Variants in HDHD2 observed in about 807,000 individuals in gnomAD.
HDHD2 encodes the protein haloacid dehalogenase-like hydrolase domain-containing protein 2.
Under a neutral mutation model 24.8 loss-of-function variants are expected in HDHD2, and 26 were observed. The ratio of observed to expected loss-of-function variants is 1.05; its 90% CI spans 0.77 to 1.45. HDHD2 has a LOEUF of 1.45. Among genes scored for constraint, HDHD2 ranks in the 40% most tolerant of loss-of-function variants. The pLI is 0.00. For synonymous variants in HDHD2, 128 were observed against 114.9 expected, an observed-to-expected ratio of 1.11 and a Z score of -0.73; for missense variants, 299 against 313.4, an observed-to-expected ratio of 0.95 and a Z score of 0.35.
At chr18:47,143,760 C>G (rs2063840869) in intron 1 of HDHD2, among the ~76,000 whole-genome samples, 1 of 152,142 alleles carries the variant, frequency 6.6e-6, no homozygotes, top group Non-Finnish European at 1.5e-5. Context: ...AGGCTTTATT[C>G]TGACACTTTC....
rs541317387 is a variant in HDHD2, at chr18:47,136,663, A to C, written c.-10-214T>G. The stretch of plus-strand genomic sequence containing the variant: ...TTAGGTTTTTTTTTAAAAAAAAAAA[A>C]CACTTGAATTAAAACTATAGGAAGC... On this transcript the variant is annotated intron_variant, in intron 1 of 6. Transcript: ENST00000300605. 2.6e-4 allele frequency among the ~76,000 whole-genome samples: 40 copies of C among 152,148 alleles called. 1 individual carries two copies. The South Asian group carries it at 7.9e-3, about 30-fold the overall frequency.
At chr18:47,124,706 CAAAAAAAAAAA>C (rs34350751) in intron 4 of HDHD2, among the ~76,000 whole-genome samples, 5 of 43,370 alleles carry the variant, frequency 1.2e-4, no homozygotes, top group Non-Finnish European at 1.6e-4. Context: ...AACTCTGACT[CAAAAAAAAAAA>C]AAAAAAAAAA....
chr18:47,134,432 T>C, intron 3 of HDHD2, 64 bp downstream of exon 3: 1 of 1,146,640 alleles, frequency 8.7e-7, no homozygotes, highest in East Asian at 2.4e-5. Context: ...AAACATCCAG[T>C]TTTAAAAATG....
At chr18:47,148,524 C>T (rs1440393373) in intron 1 of HDHD2, among the ~76,000 whole-genome samples, 1 of 152,126 alleles carries the variant, frequency 6.6e-6, no homozygotes, top group African/African-American at 2.4e-5. Flanking sequence ...GAAGAAAAGC[C>T]ATATTCTCTC....
At chr18:47,139,613 A>G (rs1376921884) in intron 1 of HDHD2, among the ~76,000 whole-genome samples, 6 of 152,210 alleles carry the variant, frequency 3.9e-5, no homozygotes. Flanking sequence ...CCAGTCAGTA[A>G]GAAGTTCCAC....
At chr18:47,141,092 C>A (rs1054826409) in intron 1 of HDHD2, among the ~76,000 whole-genome samples, 3 of 152,178 alleles carry the variant, frequency 2.0e-5, no homozygotes, top group Non-Finnish European at 4.4e-5. Context: ...AGTAAACTTA[C>A]TGTAGAACTC....
At chr18:47,127,653 A>ATTTTT in intron 4 of HDHD2, among the ~76,000 whole-genome samples, 1 of 148,846 alleles carries the variant, frequency 6.7e-6, no homozygotes. Flanking sequence ...GTTTTTCGAG[A>ATTTTT]TGAGCCGAGA....
rs116278375 is a variant in HDHD2 at position 47,130,676 on chromosome 18, A to T, written c.311-348T>A. On this transcript the variant is annotated intron_variant, in intron 3 of 6. Coordinates refer to ENST00000300605, the MANE Select transcript of HDHD2 (RefSeq NM_032124.5). ...AACTTCAAAATGCTTTACTGATTAC[A>T]ATCAACAATAACTGCCATGAGTTCC... Among the ~76,000 whole-genome samples, 1,392 of 152,330 alleles carry T rather than the reference A, an allele frequency of 9.1e-3. 13 individuals are homozygous for T. The highest frequency in any genetic ancestry group is 0.054 in the Middle Eastern group (16 of 294).
At chr18:47,122,646 C>A (rs960004575) in intron 4 of HDHD2, among the ~76,000 whole-genome samples, 1 of 151,994 alleles carries the variant, frequency 6.6e-6, no homozygotes, top group Non-Finnish European at 1.5e-5. Flanking sequence ...ATGAAAAACA[C>A]GAAAGGAAAA....
chr18:47,123,736 C>T (rs1401527955), intron 4 of HDHD2, among the ~76,000 whole-genome samples: 1 of 151,612 alleles, frequency 6.6e-6, no homozygotes, highest in Non-Finnish European at 1.5e-5. Flanking sequence ...CAAAAAAAAA[C>T]TAAATAGAGA....
chr18:47,124,604 G>A lies in HDHD2; in HGVS notation c.395+5640C>T, dbSNP rs1225763872. 4.7e-5 allele frequency among the ~76,000 whole-genome samples: 7 copies of A among 150,240 alleles called. 1 individual carries two copies. In the Admixed American group the frequency reaches 4.7e-4, roughly 10 times the overall value. ...GGCTGTAATCCCAGCTACTCGGGAG[G>A]CTGAGACAGGAGAATTGCTTGAACC... On this transcript the variant is annotated intron_variant, in intron 4 of 6. Coordinates refer to ENST00000300605, the MANE Select transcript of HDHD2 (RefSeq NM_032124.5).
At chr18:47,111,760 T>C (rs2063517992) in intron 6 of HDHD2, 4 of 984,872 alleles carry the variant, frequency 4.1e-6, no homozygotes, top group African/African-American at 1.7e-5. Flanking sequence ...TCTTATTCAA[T>C]TGTAGCTCCA....
chr18:47,143,075 A>G (rs991697846), intron 1 of HDHD2, among the ~76,000 whole-genome samples: 3 of 152,248 alleles, frequency 2.0e-5, no homozygotes, highest in Non-Finnish European at 4.4e-5. Flanking sequence ...TTAATAATGT[A>G]TAAAATTAGA....
intron 4 of HDHD2, among the ~76,000 whole-genome samples, chr18:47,125,529 T>C (rs943019135): frequency 1.3e-5 from 2 of 152,130 alleles, no homozygotes; most frequent in East Asian, 1.9e-4. Flanking sequence ...TTGTGGAATA[T>C]TCATATAATA....
chr18:47,136,326 G>C lies in HDHD2; in HGVS notation c.101+13C>G, dbSNP rs1402022286. On this transcript the variant is annotated intron_variant, in intron 2 of 6. Coordinates refer to ENST00000300605, the MANE Select transcript of HDHD2 (RefSeq NM_032124.5). Reference sequence around the variant, plus strand: ...CAAACATATTTGTCAGCTGAACCTGGAGGATAGCTTGCCTTTTAAGAGCTT... The same window carrying C: ...CAAACATATTTGTCAGCTGAACCTGCAGGATAGCTTGCCTTTTAAGAGCTT... The C allele has an allele frequency of 5.0e-6, 8 of 1,613,532 alleles. No individual in the cohort carries two copies. In the East Asian group the frequency reaches 1.8e-4, roughly 36 times the overall value.
At chr18:47,144,301 C>T (rs2063847156) in intron 1 of HDHD2, among the ~76,000 whole-genome samples, 1 of 152,116 alleles carries the variant, frequency 6.6e-6, no homozygotes, top group African/African-American at 2.4e-5. Flanking sequence ...GAGATAGATC[C>T]TCTGACCTAA....
At chr18:47,148,982 T>C (rs1033996641) in intron 1 of HDHD2, 16 of 152,362 alleles carry the variant, frequency 1.1e-4, no homozygotes, top group African/African-American at 3.8e-4. Context: ...CCTCAGTTTC[T>C]TCATTGCTAA....
In HDHD2 at chr18:47,108,134, T is replaced by C. The variant is rs1357891912; in HGVS notation, c.*548A>G. The C allele has an allele frequency of 6.6e-6, 1 of 152,658 alleles. No homozygotes were observed. Among genetic ancestry groups the C allele is most frequent in the Non-Finnish European group, 1.5e-5 (1 of 68,058 alleles). The allele number at this position is 152,658 out of a possible 1,614,324, so 9.5% of individuals were successfully genotyped here. On this transcript the variant is annotated 3_prime_UTR_variant, in exon 7 of 7. Coordinates refer to ENST00000300605, the MANE Select transcript of HDHD2 (RefSeq NM_032124.5). ...CTGGGAATACAGTAGAAAATTTAGTTTTCAACATCTGTTAAAGCAAATTCA... is the reference window on the plus strand; with the variant it reads ...CTGGGAATACAGTAGAAAATTTAGTCTTCAACATCTGTTAAAGCAAATTCA...
In HDHD2 at chr18:47,136,433, C is replaced by T. The variant is rs769724470; in HGVS notation, c.7G>A (p.Ala3Thr). ...AAAACAGCTTTTAATGCACGGCATG[C>T]TGCCATCCTTCATTCCCTAGGAGAG... MA[A>T]CRALKAVLVD... Residue 3 changes from alanine (A) to threonine (T), a missense_variant, in exon 2 of 7, where the codon GCA becomes ACA. Transcript: ENST00000300605. The T allele has an allele frequency of 9.3e-6, 15 of 1,612,282 alleles. No homozygotes were observed. Among genetic ancestry groups the T allele is most frequent in the Non-Finnish European group, 1.2e-5 (14 of 1,179,778 alleles).
Sources: allele counts gnomAD v4.1 joint callset (sites outside exome capture counted in the v4.1 genomes callset), GRCh38; gene constraint gnomAD v4.1.1; transcripts MANE v1.5; gene names NCBI Gene and HGNC (gene_info 2026-07-23, HGNC 2026-07-21).